Variants in NRXN1 observed in about 807,000 individuals in gnomAD.
The protein encoded by NRXN1 is neurexin 1, also known as neurexin-1.
In NRXN1, 39 loss-of-function variants were observed where a neutral mutation model predicts 150.9. That is an observed-to-expected ratio of 0.26 (90% CI 0.20 to 0.34). NRXN1 has a LOEUF of 0.34. Ranked by LOEUF, NRXN1 falls within the 10% of genes least tolerant of loss-of-function variation. The probability of loss-of-function intolerance (pLI) is 1.00; values close to 1 mark genes in which losing one functional copy is unlikely to be tolerated. For synonymous variants in NRXN1, 924 were observed against 757.0 expected, an observed-to-expected ratio of 1.22 and a Z score of -3.62; for missense variants, 1,815 against 1,949.9, an observed-to-expected ratio of 0.93 and a Z score of 1.30.
rs941294833 is a variant in NRXN1 at position 51,028,371 on chromosome 2, A to G, written c.-98T>C. 1 of 792,934 alleles carries G rather than the reference A, an allele frequency of 1.3e-6. No individual in the cohort carries two copies. Among genetic ancestry groups the G allele is most frequent in the Non-Finnish European group, 1.8e-6 (1 of 544,134 alleles). 49.1% of individuals were successfully genotyped at this position (792,934 alleles called of 1,614,324 possible). ...GAAATAAGGGTCCCGAGAGACAGAA[A>G]GGTAAGGGGAAAGGCGGGAGTGAGA... On this transcript the variant is annotated 5_prime_UTR_variant, in exon 2 of 23. Coordinates refer to ENST00000401669, the MANE Select transcript of NRXN1 (RefSeq NM_001330078.2).
chr2:50,286,517 A>C (rs1157502217), intron 17 of NRXN1, among the ~76,000 whole-genome samples: 2 of 152,172 alleles, frequency 1.3e-5, no homozygotes, highest in East Asian at 3.8e-4. Flanking sequence ...CTTTTTAAAA[A>C]ATATTCATTC....
At chr2:50,803,739 T>A (rs1272774798) in intron 5 of NRXN1, among the ~76,000 whole-genome samples, 3 of 152,204 alleles carry the variant, frequency 2.0e-5, no homozygotes, top group Non-Finnish European at 4.4e-5. Flanking sequence ...TATAAGGTCA[T>A]AAGGGATACT....
intron 10 of NRXN1, among the ~76,000 whole-genome samples, chr2:50,533,845 T>G (rs1008100992): frequency 6.6e-6 from 1 of 152,198 alleles, no homozygotes; most frequent in Non-Finnish European, 1.5e-5. Flanking sequence ...TCTTTCAGCA[T>G]TTAGGTCTCT....
intron 21 of NRXN1, among the ~76,000 whole-genome samples, chr2:50,046,674 A>G (rs985336640): frequency 1.3e-5 from 2 of 152,158 alleles, no homozygotes; most frequent in Admixed American, 6.5e-5. Flanking sequence ...GAGGTAGGAA[A>G]CTGAGGTCTA....
chr2:50,202,938 G>C (rs1296643351), intron 18 of NRXN1, among the ~76,000 whole-genome samples: 1 of 152,060 alleles, frequency 6.6e-6, no homozygotes, highest in Non-Finnish European at 1.5e-5. Context: ...AGTAAACAGT[G>C]AAAGGGACAC....
intron 8 of NRXN1, among the ~76,000 whole-genome samples, chr2:50,561,815 T>C (rs1558939974): frequency 6.6e-6 from 1 of 151,968 alleles, no homozygotes; most frequent in Non-Finnish European, 1.5e-5. Flanking sequence ...AGAAAGACAC[T>C]GAACAAGTTA....
At chr2:50,820,771 CCTCT>C (rs1332819280) in intron 5 of NRXN1, among the ~76,000 whole-genome samples, 3 of 152,062 alleles carry the variant, frequency 2.0e-5, no homozygotes, top group East Asian at 1.9e-4. Context: ...CCAGATGTCG[CCTCT>C]CTGTCAGGGA....
intron 19 of NRXN1, among the ~76,000 whole-genome samples, chr2:50,064,091 G>T (rs568009830): frequency 7.9e-5 from 12 of 152,004 alleles, no homozygotes; most frequent in Admixed American, 6.6e-4. Context: ...TTGCTTGGAC[G>T]TCAGATTTCC....
chr2:50,480,187 A>T (rs2090355036), intron 15 of NRXN1, among the ~76,000 whole-genome samples: 4 of 152,166 alleles, frequency 2.6e-5, no homozygotes, highest in South Asian at 4.1e-4. Flanking sequence ...GTAATACATG[A>T]CCAGTTTTAA....
chr2:50,129,057 G>C (rs912544057), intron 18 of NRXN1, among the ~76,000 whole-genome samples: 1 of 151,996 alleles, frequency 6.6e-6, no homozygotes, highest in Admixed American at 6.6e-5. Context: ...GAAGCAAACT[G>C]ATCCTCAAGG....
chr2:50,833,438 G>C (rs895840529), intron 5 of NRXN1, among the ~76,000 whole-genome samples: 1 of 152,040 alleles, frequency 6.6e-6, no homozygotes, highest in Non-Finnish European at 1.5e-5. Context: ...ACATACTGTG[G>C]TACCTCCCTA....
intron 5 of NRXN1, among the ~76,000 whole-genome samples, chr2:50,774,866 C>T (rs1703418057): frequency 6.6e-6 from 1 of 152,120 alleles, no homozygotes; most frequent in African/African-American, 2.4e-5. Context: ...CTATTCCCAT[C>T]CCAATCACCA....
chr2:50,237,330 A>G (rs964710236), intron 17 of NRXN1, among the ~76,000 whole-genome samples: 1 of 152,100 alleles, frequency 6.6e-6, no homozygotes, highest in South Asian at 2.1e-4. Context: ...GCTTCCAAAA[A>G]GCAACAGCAG....
At chr2:50,740,439 A>G (rs1699294722) in intron 5 of NRXN1, among the ~76,000 whole-genome samples, 1 of 152,208 alleles carries the variant, frequency 6.6e-6, no homozygotes, top group Non-Finnish European at 1.5e-5. Context: ...CTAAGGGCAA[A>G]AGCCAATATG....
chr2:50,069,459 A>C (rs537693371), intron 19 of NRXN1, among the ~76,000 whole-genome samples: 1 of 152,308 alleles, frequency 6.6e-6, no homozygotes, highest in South Asian at 2.1e-4. Context: ...GAGGAAATTA[A>C]TTTTAGAGCC....
intron 2 of NRXN1, among the ~76,000 whole-genome samples, chr2:50,975,949 T>C (rs1695752630): frequency 6.6e-6 from 1 of 152,086 alleles, no homozygotes; most frequent in South Asian, 2.1e-4. Context: ...GCCAGCCTTA[T>C]TAAGCAATGG....
intron 22 of NRXN1, among the ~76,000 whole-genome samples, chr2:49,923,521 T>A (rs1444070218): frequency 6.6e-6 from 1 of 152,214 alleles, no homozygotes; most frequent in Non-Finnish European, 1.5e-5. Context: ...TGTGTGTTCA[T>A]GTATATGTAA....
intron 5 of NRXN1, among the ~76,000 whole-genome samples, chr2:50,665,612 A>C (rs999818259): frequency 4.6e-5 from 7 of 152,040 alleles, no homozygotes; most frequent in Non-Finnish European, 1.0e-4. Context: ...AAAGTATTTG[A>C]GCTTGTGACT....
intron 2 of NRXN1, among the ~76,000 whole-genome samples, chr2:51,007,350 T>A (rs1426270832): frequency 6.6e-6 from 1 of 151,878 alleles, no homozygotes; most frequent in Non-Finnish European, 1.5e-5. Context: ...GGGTTAAAAA[T>A]ATGTGTGCCT....
Sources: allele counts gnomAD v4.1 joint callset (sites outside exome capture counted in the v4.1 genomes callset), GRCh38; gene constraint gnomAD v4.1.1; transcripts MANE v1.5; gene names NCBI Gene and HGNC (gene_info 2026-07-23, HGNC 2026-07-21).